PAK5: variants seen among roughly 807,000 people sequenced by gnomAD.
The protein encoded by PAK5 is p21 (RAC1) activated kinase 5, also known as serine/threonine-protein kinase PAK 5.
PAK5 carries 16 observed loss-of-function variants against 65.9 expected under a neutral mutation model. The observed-to-expected ratio is 0.24, with a 90% CI of 0.16 to 0.37. PAK5 has a LOEUF of 0.37. PAK5 is among the 10% of genes least tolerant of loss of function. The pLI is 1.00. For synonymous variants in PAK5, 371 were observed against 354.9 expected (o/e 1.05, Z -0.51); for missense variants, 785 against 903.9 (o/e 0.87, Z 1.69).
chr20:9,783,365 G>T (rs2048962064), intron 1 of PAK5, among the ~76,000 whole-genome samples: 1 of 152,136 alleles, frequency 6.6e-6, no homozygotes, highest in Non-Finnish European at 1.5e-5. Context: ...AATCAATCAA[G>T]AGAATCATTT....
intron 3 of PAK5, among the ~76,000 whole-genome samples, chr20:9,599,475 A>G (rs1195940073): frequency 6.6e-6 from 1 of 152,230 alleles, no homozygotes; most frequent in Non-Finnish European, 1.5e-5. Context: ...TCAGCACTGC[A>G]TGAGGATGCC....
intron 3 of PAK5, among the ~76,000 whole-genome samples, chr20:9,640,071 T>C (rs1158915873): frequency 1.3e-5 from 2 of 152,154 alleles, no homozygotes; most frequent in African/African-American, 4.8e-5. Flanking sequence ...TTTTTTTTAT[T>C]ATACTTTAAG....
chr20:9,714,170 C>A (rs2048113092), intron 1 of PAK5, among the ~76,000 whole-genome samples: 1 of 151,876 alleles, frequency 6.6e-6, no homozygotes, highest in Non-Finnish European at 1.5e-5. Flanking sequence ...ATCCCAGAGC[C>A]CGGGTATTTT....
chr20:9,835,394 A>C (rs2123795372), intron 1 of PAK5, among the ~76,000 whole-genome samples: 1 of 152,246 alleles, frequency 6.6e-6, no homozygotes, highest in East Asian at 1.9e-4. Context: ...TATAGAGGGA[A>C]GATGGTTGGG....
intron 3 of PAK5, among the ~76,000 whole-genome samples, chr20:9,585,208 T>C (rs1194014776): frequency 6.6e-6 from 1 of 152,314 alleles, no homozygotes; most frequent in East Asian, 1.9e-4. Context: ...CCCCATGCCT[T>C]CCCATCTCTG....
At chr20:9,605,113 C>T (rs1348517731) in intron 3 of PAK5, among the ~76,000 whole-genome samples, 1 of 152,152 alleles carries the variant, frequency 6.6e-6, no homozygotes, top group Non-Finnish European at 1.5e-5. Context: ...ATGCTGTGGG[C>T]AACTGGGCCT....
At chr20:9,562,642 T>G (rs978519160) in intron 6 of PAK5, among the ~76,000 whole-genome samples, 2 of 152,220 alleles carry the variant, frequency 1.3e-5, no homozygotes, top group African/African-American at 4.8e-5. Flanking sequence ...AGCTTCATTC[T>G]TAGCAGGTTG....
chr20:9,775,991 G>C (rs2048883239), intron 1 of PAK5, among the ~76,000 whole-genome samples: 1 of 152,152 alleles, frequency 6.6e-6, no homozygotes, highest in South Asian at 2.1e-4. Context: ...AGAAAATTTT[G>C]GTATCATGTA....
chr20:9,726,480 G>T (rs2048278948), intron 1 of PAK5, among the ~76,000 whole-genome samples: 1 of 152,104 alleles, frequency 6.6e-6, no homozygotes. Context: ...CATCTACCTT[G>T]GGTGTTGTGT....
chr20:9,594,567 T>C (rs753903698), intron 3 of PAK5, among the ~76,000 whole-genome samples: 156 of 152,334 alleles, frequency 1.0e-3, no homozygotes, highest in Middle Eastern at 3.4e-3. Context: ...ATTTCACTGA[T>C]TGTCTTGCAC....
At chr20:9,558,022 T>G (rs2045535851) in intron 6 of PAK5, among the ~76,000 whole-genome samples, 2 of 133,862 alleles carry the variant, frequency 1.5e-5, no homozygotes, top group African/African-American at 6.7e-5. Context: ...ATTTATTTAT[T>G]TATTTATTTA....
intron 1 of PAK5, among the ~76,000 whole-genome samples, chr20:9,822,860 T>A (rs538311332): frequency 6.6e-6 from 1 of 152,320 alleles, no homozygotes; most frequent in Non-Finnish European, 1.5e-5. Context: ...AGTTGGTGTA[T>A]AAATATCTCA....
chr20:9,560,353 T>C (rs2045573425), intron 6 of PAK5, among the ~76,000 whole-genome samples: 1 of 152,170 alleles, frequency 6.6e-6, no homozygotes, highest in Non-Finnish European at 1.5e-5. Flanking sequence ...TGTGTGGTCT[T>C]AAGAAGGATA....
intron 3 of PAK5, among the ~76,000 whole-genome samples, chr20:9,595,130 G>T (rs71330249): frequency 0.35 from 52,749 of 150,318 alleles, 9,546 homozygotes; most frequent in African/African-American, 0.39. Context: ...TATATAGAGA[G>T]AGAGAGAGAT....
intron 1 of PAK5, among the ~76,000 whole-genome samples, chr20:9,824,741 C>A (rs1261312371): frequency 2.6e-5 from 4 of 152,138 alleles, no homozygotes; most frequent in African/African-American, 9.7e-5. Flanking sequence ...TTTCCCTTAT[C>A]CCACTCTATT....
intron 1 of PAK5, among the ~76,000 whole-genome samples, chr20:9,735,246 G>A (rs1226148757): frequency 6.6e-6 from 1 of 152,112 alleles, no homozygotes; most frequent in Admixed American, 6.6e-5. Context: ...TTTTCCAGAC[G>A]GAGTACCAGA....
chr20:9,668,945 T>C (rs980978624), intron 2 of PAK5, among the ~76,000 whole-genome samples: 2 of 152,222 alleles, frequency 1.3e-5, no homozygotes, highest in African/African-American at 4.8e-5. Context: ...CCCAATATCA[T>C]GGCATATTCG....
chr20:9,814,331 A>T (rs2049331594), intron 1 of PAK5, among the ~76,000 whole-genome samples: 1 of 152,176 alleles, frequency 6.6e-6, no homozygotes, highest in South Asian at 2.1e-4. Context: ...TTTCATCATC[A>T]GTGAAATGAG....
chr20:9,735,287 G>A (rs2048376395), intron 1 of PAK5, among the ~76,000 whole-genome samples: 1 of 152,098 alleles, frequency 6.6e-6, no homozygotes, highest in Admixed American at 6.5e-5. Flanking sequence ...TGGGGTAGGG[G>A]GAAAGTGAGG....
Sources: gnomAD v4.1 joint callset for allele counts (sites outside exome capture counted in the v4.1 genomes callset) on GRCh38, gnomAD v4.1.1 for gene constraint, MANE v1.5 for transcripts, NCBI Gene and HGNC (gene_info 2026-07-23, HGNC 2026-07-21) for gene names.